ARL15: variants seen among roughly 807,000 people sequenced by gnomAD.
ARL15 encodes ADP-ribosylation factor-like protein 15.
ARL15 carries 19 observed loss-of-function variants against 25.2 expected under a neutral mutation model. That is an observed-to-expected ratio of 0.75 (90% CI 0.53 to 1.10). ARL15 has a LOEUF of 1.10. Among genes scored for constraint, ARL15 ranks in the 50% least tolerant of loss-of-function variants. The pLI is 0.00. For missense variants in ARL15, 220 were observed against 246.0 expected (o/e 0.89, Z 0.71); for synonymous variants, 94 against 86.8 (o/e 1.08, Z -0.46).
chr5:54,232,971 C>G lies in ARL15; in HGVS notation c.49-61043G>C, dbSNP rs112915129. Among the ~76,000 whole-genome samples the G allele has an allele frequency of 4.3e-3, 656 of 152,316 alleles. 1 individual carries two copies. The highest frequency in any genetic ancestry group is 7.5e-3 in the Non-Finnish European group (508 of 68,032). ...TCTGCAGGATCAAAACTAATGTCATCATACTAAGACATTATTTACCTCTTG... is the reference window on the plus strand; with the variant it reads ...TCTGCAGGATCAAAACTAATGTCATGATACTAAGACATTATTTACCTCTTG... On this transcript the variant is annotated intron_variant, in intron 1 of 4. Transcript: ENST00000504924.
At chr5:54,202,242 T>C (rs1314892051) in intron 1 of ARL15, among the ~76,000 whole-genome samples, 1 of 152,114 alleles carries the variant, frequency 6.6e-6, no homozygotes, top group East Asian at 1.9e-4. Flanking sequence ...CCAAAAGATA[T>C]CCATATCCTA....
intron 1 of ARL15, among the ~76,000 whole-genome samples, chr5:54,200,182 A>G (rs1755676224): frequency 6.6e-6 from 1 of 151,540 alleles, no homozygotes; most frequent in Non-Finnish European, 1.5e-5. Context: ...ACCAGGAGAT[A>G]TACATAATGC....
intron 1 of ARL15, among the ~76,000 whole-genome samples, chr5:54,266,796 A>G (rs924124637): frequency 3.3e-5 from 5 of 152,346 alleles, no homozygotes; most frequent in South Asian, 2.1e-4. Flanking sequence ...ATGAACTTAC[A>G]GGAAAACCAT....
At chr5:54,146,061 C>T (rs1753901419) in intron 3 of ARL15, among the ~76,000 whole-genome samples, 1 of 152,104 alleles carries the variant, frequency 6.6e-6, no homozygotes, top group Admixed American at 6.5e-5. Context: ...ACTTACCACA[C>T]CAGACTGTAA....
chr5:54,088,351 G>A (rs189112810), intron 4 of ARL15, among the ~76,000 whole-genome samples: 118 of 152,278 alleles, frequency 7.7e-4, no homozygotes, highest in African/African-American at 2.7e-3. Flanking sequence ...GGCAGAAAAT[G>A]TGAAGTAAAC....
intron 4 of ARL15, among the ~76,000 whole-genome samples, chr5:54,056,352 C>A (rs901149448): frequency 6.6e-6 from 1 of 152,072 alleles, no homozygotes; most frequent in African/African-American, 2.4e-5. Flanking sequence ...CTGATTCAGG[C>A]CAGGTGCAGT....
chr5:54,140,462 AG>A (rs1482941032), intron 3 of ARL15, among the ~76,000 whole-genome samples: 2 of 82,498 alleles, frequency 2.4e-5, no homozygotes, highest in African/African-American at 6.0e-5. Flanking sequence ...ATAGATAGAT[AG>A]ATAGAGATAG....
chr5:53,991,142 G>A (rs960258096), intron 4 of ARL15, among the ~76,000 whole-genome samples: 30 of 152,124 alleles, frequency 2.0e-4, no homozygotes, highest in African/African-American at 2.9e-4. Context: ...TTTTAGGAAC[G>A]CATCTGTTAT....
chr5:54,212,880 C>T (rs1322972573), intron 1 of ARL15, among the ~76,000 whole-genome samples: 1 of 152,092 alleles, frequency 6.6e-6, no homozygotes, highest in Non-Finnish European at 1.5e-5. Context: ...TCCTGCCAGC[C>T]CAGTTTTATG....
chr5:54,029,296 T>TA (rs1749885721), intron 4 of ARL15, among the ~76,000 whole-genome samples: 1 of 148,106 alleles, frequency 6.8e-6, no homozygotes, highest in African/African-American at 2.5e-5. Context: ...AGTTAATTTA[T>TA]AAAAACAGTT....
In ARL15 at chr5:53,894,892, T is replaced by C. The variant is rs185066788; in HGVS notation, c.463-8179A>G. ...TTGAATTATATAGAAGGGGTCTTAG[T>C]AGCAGAGGCCATTGTTGGTTGCCTC... On this transcript the variant is annotated intron_variant, in intron 4 of 4. Transcript: ENST00000504924. 5.4e-4 allele frequency among the ~76,000 whole-genome samples: 82 copies of C among 152,330 alleles called. 1 individual carries two copies. The highest frequency in any genetic ancestry group is 1.9e-3 in the African/African-American group (78 of 41,570).
intron 3 of ARL15, among the ~76,000 whole-genome samples, chr5:54,128,782 T>C (rs1389996577): frequency 6.7e-6 from 1 of 148,572 alleles, no homozygotes; most frequent in Non-Finnish European, 1.5e-5. Flanking sequence ...CTCAGCGCAC[T>C]ACAACCTCCA....
chr5:54,208,730 A>T (rs1376032178), intron 1 of ARL15, among the ~76,000 whole-genome samples: 1 of 152,164 alleles, frequency 6.6e-6, no homozygotes, highest in African/African-American at 2.4e-5. Context: ...GGAGTAAGCT[A>T]AAGAACACAA....
chr5:54,037,595 T>TA (rs1159987529), intron 4 of ARL15, among the ~76,000 whole-genome samples: 1 of 152,088 alleles, frequency 6.6e-6, no homozygotes, highest in Non-Finnish European at 1.5e-5. Context: ...CAAGTAAAAA[T>TA]AGACACTCTA....
At chr5:54,076,790 G>C (rs1399979473) in intron 4 of ARL15, among the ~76,000 whole-genome samples, 2 of 108,018 alleles carry the variant, frequency 1.9e-5, no homozygotes, top group East Asian at 4.7e-4. Flanking sequence ...ATGTAGGAGT[G>C]CTTTTTTTTT....
intron 4 of ARL15, among the ~76,000 whole-genome samples, chr5:54,098,441 G>A (rs1191415681): frequency 6.6e-6 from 1 of 152,022 alleles, no homozygotes; most frequent in Non-Finnish European, 1.5e-5. Flanking sequence ...ACACAAAATG[G>A]CCACTGTAAC....
At chr5:54,197,156 G>C (rs532717361) in intron 1 of ARL15, among the ~76,000 whole-genome samples, 1 of 151,846 alleles carries the variant, frequency 6.6e-6, no homozygotes, top group Admixed American at 6.6e-5. Flanking sequence ...GAACAGACTA[G>C]ACTGAAGTGT....
intron 3 of ARL15, among the ~76,000 whole-genome samples, chr5:54,121,259 C>T (rs558143520): frequency 6.6e-6 from 1 of 152,222 alleles, no homozygotes; most frequent in Non-Finnish European, 1.5e-5. Flanking sequence ...CTCACATTTG[C>T]TCTTTCATCT....
chr5:54,095,744 T>G (rs975516519), intron 4 of ARL15, among the ~76,000 whole-genome samples: 2 of 152,076 alleles, frequency 1.3e-5, no homozygotes, highest in Non-Finnish European at 2.9e-5. Flanking sequence ...TACTCTCATT[T>G]CAATTGAGCT....
Sources: gnomAD v4.1 joint callset for allele counts (sites outside exome capture counted in the v4.1 genomes callset) on GRCh38, gnomAD v4.1.1 for gene constraint, MANE v1.5 for transcripts, NCBI Gene and HGNC (gene_info 2026-07-23, HGNC 2026-07-21) for gene names.